PNPLA4: variants seen among roughly 807,000 people sequenced by gnomAD.
The protein encoded by PNPLA4 is patatin-like phospholipase domain-containing protein 4.
PNPLA4 carries 15 observed loss-of-function variants against 18.3 expected under a neutral mutation model. That is an observed-to-expected ratio of 0.82 (90% confidence interval 0.55 to 1.26). The LOEUF (loss-of-function observed/expected upper bound fraction) is 1.26, where lower values mean the gene tolerates loss of function less well. Ranked by LOEUF, PNPLA4 falls within the 50% of genes most tolerant of loss-of-function variation. PNPLA4 has a pLI of 0.00. For synonymous variants in PNPLA4, 88 were observed against 85.6 expected (o/e 1.03, Z -0.16); for missense variants, 229 against 196.8 (o/e 1.16, Z -0.98).
rs35470274 is a variant in PNPLA4 at position 7,902,086 on chromosome X, G to T, written c.533C>A (p.Thr178Lys). 64 of 1,206,943 alleles carry T rather than the reference G, an allele frequency of 5.3e-5. No homozygotes were observed. The African/African-American group carries it at 1.1e-3, about 20-fold the overall frequency. ...TCCACTGAAGGGGGAGATGGTTACT[G>T]TCCGGCCGACGGGCAGGATGGGAAG... ...NALPILPVGR[T>K]VTISPFSGRL... Residue 178 changes from threonine (T) to lysine (K), a missense_variant, in exon 6 of 7, where the codon ACA becomes AAA. By Grantham distance (78) the Thr-to-Lys change is moderately conservative. Coordinates refer to ENST00000381042, the MANE Select transcript of PNPLA4 (RefSeq NM_004650.3).
intron 4 of PNPLA4, among the ~76,000 whole-genome samples, chrX:7,914,740 T>C (rs1437375146): frequency 9.7e-6 from 1 of 102,635 alleles, no homozygotes; most frequent in African/African-American, 3.7e-5. Context: ...TAGAATTATG[T>C]TTTTTTTTTC....
In PNPLA4 at chrX:7,899,025, T is replaced by A. The variant is rs749701520; in HGVS notation, c.*1661A>T. The A allele has an allele frequency of 3.0e-3, 340 of 111,771 alleles. 2 individuals are homozygous for A. Among genetic ancestry groups the A allele is most frequent in the African/African-American group, 0.011 (332 of 30,774 alleles). 9.2% of individuals were successfully genotyped at this position (111,771 alleles called of 1,213,427 possible). A position where few individuals can be genotyped will look rare whatever the true frequency, so the allele number is the denominator to read the frequency against. Reference sequence around the variant, plus strand: ...AATTTACCTAGTGAATAAGTGGACATAACAATTGAGAATCTATCCACTTCA... The same window carrying A: ...AATTTACCTAGTGAATAAGTGGACAAAACAATTGAGAATCTATCCACTTCA... On this transcript the variant is annotated 3_prime_UTR_variant, in exon 7 of 7. Coordinates refer to ENST00000381042, the MANE Select transcript of PNPLA4 (RefSeq NM_004650.3).
At chrX:7,924,711 G>A (rs1407464428) in intron 2 of PNPLA4, among the ~76,000 whole-genome samples, 2 of 112,183 alleles carry the variant, frequency 1.8e-5, no homozygotes, top group African/African-American at 6.5e-5. Context: ...GTCTTAACAT[G>A]GCAGAATTTT....
intron 5 of PNPLA4, among the ~76,000 whole-genome samples, chrX:7,902,643 G>C (rs1923574218): frequency 8.9e-6 from 1 of 112,114 alleles, no homozygotes; most frequent in Non-Finnish European, 1.9e-5. Context: ...TAAGGAATGG[G>C]AGTGCTGCAT....
chrX:7,926,851 T>C (rs761705093), intron 1 of PNPLA4, among the ~76,000 whole-genome samples: 15 of 112,538 alleles, frequency 1.3e-4, no homozygotes, highest in African/African-American at 4.2e-4. Context: ...TGCGCACAAT[T>C]TGCCCAAGTG....
chrX:7,926,044 A>G lies in PNPLA4; in HGVS notation c.76T>C (p.Cys26Arg). 3 of 1,211,447 alleles carry G rather than the reference A, an allele frequency of 2.5e-6. No individual in the cohort carries two copies. Among genetic ancestry groups the G allele is most frequent in the Middle Eastern group, 2.4e-4 (1 of 4,249 alleles). ...TTCACAAGTTTTTTGCCATGTCTGC[A>G]AAGTGCAGATGCTGCCCCCAAGTGG... Reference protein sequence around the residue: ...IYHLGAASALCRHGKKLVKDV... With the variant: ...IYHLGAASALRRHGKKLVKDV... Residue 26 changes from cysteine to arginine, a missense_variant, in exon 2 of 7, where the codon TGC (cysteine) becomes CGC (arginine). Cys to Arg is a radical substitution (Grantham distance 180, BLOSUM62 -3). Transcript: ENST00000381042.
At position 7,899,176 on chromosome X, in the gene PNPLA4, T is replaced by C. The variant is rs1254562022; in HGVS notation, c.*1510A>G. 9.0e-6 allele frequency: 1 copy of C among 111,596 alleles called. No individual in the cohort carries two copies. Among genetic ancestry groups the C allele is most frequent in the Non-Finnish European group, 1.9e-5 (1 of 53,151 alleles). The allele number at this position is 111,596 out of a possible 1,213,427, so 9.2% of individuals were successfully genotyped here. ...TGCATAACTCCTCAAAAAGAGGCCA[T>C]CGTTGGTGTTTATGTGCTAAAAGTT... On this transcript the variant is annotated 3_prime_UTR_variant, in exon 7 of 7. Transcript: ENST00000381042.
At chrX:7,902,383 G>A (rs756847402) in intron 5 of PNPLA4, among the ~76,000 whole-genome samples, 13 of 111,932 alleles carry the variant, frequency 1.2e-4, no homozygotes, top group Non-Finnish European at 2.4e-4. Flanking sequence ...AATTCTTACT[G>A]ACTACAGTGC....
chrX:7,901,644 G>A (rs1923538162), intron 6 of PNPLA4, among the ~76,000 whole-genome samples: 1 of 111,302 alleles, frequency 9.0e-6, no homozygotes, highest in African/African-American at 3.3e-5. Flanking sequence ...AAAAAGAAGT[G>A]AAGAAAAAGC....
chrX:7,913,415 T>A (rs960277300), intron 4 of PNPLA4, among the ~76,000 whole-genome samples: 2 of 112,366 alleles, frequency 1.8e-5, no homozygotes, highest in Non-Finnish European at 3.8e-5. Context: ...TGGTGGCATG[T>A]TGGTTGCAAA....
intron 2 of PNPLA4, among the ~76,000 whole-genome samples, chrX:7,924,936 G>A (rs1924345802): frequency 8.9e-6 from 1 of 112,177 alleles, no homozygotes; most frequent in Admixed American, 9.4e-5. Context: ...GTTATGGGAA[G>A]GAGGTAGCTT....
rs991215744 is a variant in PNPLA4, at chrX:7,899,714, T to C, written c.*972A>G. The C allele has an allele frequency of 1.4e-4, 13 of 94,147 alleles. No individual in the cohort carries two copies. In the East Asian group the frequency reaches 4.7e-3, roughly 34 times the overall value. 7.8% of individuals were successfully genotyped at this position (94,147 alleles called of 1,213,427 possible). On this transcript the variant is annotated 3_prime_UTR_variant, in exon 7 of 7. Coordinates refer to ENST00000381042, the MANE Select transcript of PNPLA4 (RefSeq NM_004650.3). ...CAACCAGCTTGATAATCTCCTAAAC[T>C]GGGGTGGGGTTTAGGGGAGGAAGAT... is the stretch of plus-strand genomic sequence containing the variant.
rs1923757377 is a variant in PNPLA4 at position 7,907,889 on chromosome X, T to A, written c.477+4139A>T. The stretch of plus-strand genomic sequence containing the variant: ...GGCACATGCCACTATGCCTGGCTAA[T>A]TTTTGTTTTTTTTTTTTTGTAGAGA... On this transcript the variant is annotated intron_variant, in intron 5 of 6. Transcript: ENST00000381042. 1.0e-4 allele frequency among the ~76,000 whole-genome samples: 6 copies of A among 58,994 alleles called. No homozygotes were observed. In the South Asian group the frequency reaches 6.1e-3, roughly 60 times the overall value. The allele number at this position is 58,994 out of a possible 115,157, so 51.2% of individuals were successfully genotyped here.
At chrX:7,913,086 G>C (rs772303837) in intron 4 of PNPLA4, among the ~76,000 whole-genome samples, 1 of 111,832 alleles carries the variant, frequency 8.9e-6, no homozygotes, top group African/African-American at 3.3e-5. Flanking sequence ...AATTTCCATA[G>C]GAAAATCCTC....
At chrX:7,908,200 T>G (rs1923768966) in intron 5 of PNPLA4, among the ~76,000 whole-genome samples, 1 of 111,797 alleles carries the variant, frequency 8.9e-6, no homozygotes, top group Non-Finnish European at 1.9e-5. Flanking sequence ...GTGGAGAGAC[T>G]AGACTCTGCC....
chrX:7,921,775 T>C lies in PNPLA4; in HGVS notation c.349A>G (p.Asn117Asp), dbSNP rs773692983. Residue 117 changes from asparagine (N) to aspartate (D), a missense_variant, in exon 4 of 7, where the codon AAC (asparagine) becomes GAC (aspartate). Transcript: ENST00000381042. ...AQNRLHVSITNAKTRENHLVS... is the reference protein window; with the variant it reads ...AQNRLHVSITDAKTRENHLVS... ...AAGTGATTTTCTCTGGTTTTGGCGT[T>C]GGTGATGGATACGTGCAGTCGGTTC... The C allele has an allele frequency of 2.8e-5, 34 of 1,205,565 alleles. No individual in the cohort carries two copies. The highest frequency in any genetic ancestry group is 4.6e-4 in the Middle Eastern group (2 of 4,362).
At chrX:7,905,482 T>C (rs1285040845) in intron 5 of PNPLA4, among the ~76,000 whole-genome samples, 1 of 111,911 alleles carries the variant, frequency 8.9e-6, no homozygotes, top group African/African-American at 3.2e-5. Flanking sequence ...TCTGGATGTA[T>C]GGTAGATGCT....
chrX:7,926,114 CTTCATTCTAGCTGTA>C lies in PNPLA4; in HGVS notation c.-10_5del. On this transcript the variant is annotated start_lost and 5_prime_UTR_variant, in exon 2 of 7. Coordinates refer to ENST00000381042, the MANE Select transcript of PNPLA4 (RefSeq NM_004650.3). ...ACGCTGCAAATGATAGGTTGATGTG[CTTCATTCTAGCTGTA>C]GCACTGGCAATACAAAAAACAAAAA... is the stretch of plus-strand genomic sequence containing the variant. 1 of 1,205,908 alleles carries C rather than the reference CTTCATTCTAGCTGTA, an allele frequency of 8.3e-7. No individual in the cohort carries two copies. Among genetic ancestry groups the C allele is most frequent in the Non-Finnish European group, 1.1e-6 (1 of 891,653 alleles).
At chrX:7,925,514 C>T (rs1358790296) in intron 2 of PNPLA4, among the ~76,000 whole-genome samples, 1 of 112,196 alleles carries the variant, frequency 8.9e-6, no homozygotes, top group Non-Finnish European at 1.9e-5. Flanking sequence ...TATACCATTC[C>T]ACTTAATAGA....
Sources: gnomAD v4.1 joint callset for allele counts (sites outside exome capture counted in the v4.1 genomes callset) on GRCh38, gnomAD v4.1.1 for gene constraint, MANE v1.5 for transcripts, NCBI Gene and HGNC (gene_info 2026-07-23, HGNC 2026-07-21) for gene names.